The following PHAX variants were observed in gnomAD, a reference collection of about 807,000 sequenced individuals.
The protein encoded by PHAX is phosphorylated adaptor for RNA export, also known as phosphorylated adapter RNA export protein.
Under a neutral mutation model 41.6 loss-of-function variants are expected in PHAX, and 31 were observed. That is an observed-to-expected ratio of 0.75 (90% CI 0.56 to 1.01). The LOEUF (loss-of-function observed/expected upper bound fraction) is 1.01, where lower values mean the gene tolerates loss of function less well. PHAX is among the 50% of genes least tolerant of loss of function. The pLI is 0.00. For synonymous variants in PHAX, 175 were observed against 164.9 expected (o/e 1.06, Z -0.47); for missense variants, 453 against 472.9 (o/e 0.96, Z 0.39).
At chr5:126,609,778 C>A (rs977142710) in intron 3 of PHAX, among the ~76,000 whole-genome samples, 1 of 151,626 alleles carries the variant, frequency 6.6e-6, no homozygotes, top group Non-Finnish European at 1.5e-5. Flanking sequence ...CTCACTCTGT[C>A]GCCCAGGCTG....
intron 4 of PHAX, among the ~76,000 whole-genome samples, chr5:126,619,491 G>A (rs1203693501): frequency 1.3e-5 from 2 of 151,386 alleles, no homozygotes; most frequent in Admixed American, 6.6e-5. Flanking sequence ...TAGGAGAATC[G>A]CTTGAACCTG....
chr5:126,609,130 T>TC (rs1197721313), intron 3 of PHAX, among the ~76,000 whole-genome samples: 43 of 126,320 alleles, frequency 3.4e-4, no homozygotes, highest in African/African-American at 1.3e-3. Context: ...AGAAGGAGTC[T>TC]CGCTCTGTCG....
chr5:126,601,033 C>T lies in PHAX; in HGVS notation c.71C>T (p.Pro24Leu). 1.2e-6 allele frequency: 2 copies of T among 1,606,374 alleles called. No individual in the cohort carries two copies. The highest frequency in any genetic ancestry group is 2.3e-5 in the East Asian group (1 of 43,864). ...TCGGATTCCGACATGACGGTCGCACCCAGCGACAGGCCGCTGCAATTGCCA... is the reference window on the plus strand; with the variant it reads ...TCGGATTCCGACATGACGGTCGCACTCAGCGACAGGCCGCTGCAATTGCCA... ...SDSDSDMTVA[P>L]SDRPLQLPKV... Residue 24 changes from proline to leucine, a missense_variant, in exon 1 of 5, where the codon CCC (proline) becomes CTC (leucine). Physicochemically the swap from Pro to Leu is moderately conservative, Grantham distance 98 (BLOSUM62 -3). Coordinates refer to ENST00000297540, the MANE Select transcript of PHAX (RefSeq NM_032177.4).
At chr5:126,613,567 A>G (rs1752138407) in intron 3 of PHAX, among the ~76,000 whole-genome samples, 1 of 152,064 alleles carries the variant, frequency 6.6e-6, no homozygotes, top group Non-Finnish European at 1.5e-5. Flanking sequence ...AGTCCCAGCT[A>G]CTTGGGAGGC....
intron 3 of PHAX, among the ~76,000 whole-genome samples, chr5:126,610,068 C>G (rs1752056760): frequency 6.6e-6 from 1 of 152,134 alleles, no homozygotes; most frequent in African/African-American, 2.4e-5. Flanking sequence ...CAGATAGATA[C>G]ACAATAAAGT....
intron 3 of PHAX, 49 bp downstream of exon 3, chr5:126,608,533 T>TTGTTTG (rs72010140): frequency 6.9e-7 from 1 of 1,443,928 alleles, no homozygotes; most frequent in Non-Finnish European, 9.7e-7. Flanking sequence ...TCCTGTGTTT[T>TTGTTTG]TGTTTTTGAT....
rs147628815 is a variant in PHAX at position 126,603,613 on chromosome 5, C to T, written c.140C>T (p.Thr47Met). The change falls in exon 2 of 5, where the codon ACG (threonine) becomes ATG (methionine). Residue 47 changes from threonine to methionine, a missense_variant. Transcript: ENST00000297540. ...GDSAMRAFQNTATACAPVSHY... is the reference protein window; with the variant it reads ...GDSAMRAFQNMATACAPVSHY... ...AGTGCTATGAGGGCCTTCCAGAACA[C>T]GGCAACTGCATGTGCACCAGTATCA... 6.1e-5 allele frequency: 99 copies of T among 1,613,952 alleles called. No individual in the cohort carries two copies. The highest frequency in any genetic ancestry group is 8.3e-5 in the Admixed American group (5 of 59,998).
rs1207602119 is a variant in PHAX at position 126,609,119 on chromosome 5, GAGA to G, written c.831+638_831+640del. ...AATTTTTTTTTTTTTTTTTTTTTTT[GAGA>G]AGGAGTCTCGCTCTGTCGCCCAGAC... On this transcript the variant is annotated intron_variant, in intron 3 of 4. Transcript: ENST00000297540. Among the ~76,000 whole-genome samples, 7 of 20,908 alleles carry G rather than the reference GAGA, an allele frequency of 3.3e-4. No homozygotes were observed. In the East Asian group the frequency reaches 6.0e-3, roughly 18 times the overall value. The allele number at this position is 20,908 out of a possible 152,430, so 13.7% of individuals were successfully genotyped here.
At chr5:126,609,430 C>A (rs527258875) in intron 3 of PHAX, among the ~76,000 whole-genome samples, 1 of 151,974 alleles carries the variant, frequency 6.6e-6, no homozygotes, top group Non-Finnish European at 1.5e-5. Context: ...ACGACAAAGT[C>A]TAGGGGAGCC....
intron 2 of PHAX, among the ~76,000 whole-genome samples, chr5:126,605,428 T>G (rs553673598): frequency 1.7e-4 from 26 of 152,352 alleles, no homozygotes; most frequent in Middle Eastern, 3.4e-3. Context: ...AGTCTTGCTC[T>G]GTCACCCAGG....
chr5:126,611,791 GA>G (rs953528015), intron 3 of PHAX, among the ~76,000 whole-genome samples: 281 of 134,732 alleles, frequency 2.1e-3, no homozygotes, highest in Middle Eastern at 7.5e-3. Flanking sequence ...ACCCTGTCTC[GA>G]AAAAAAAAAA....
chr5:126,622,989 G>T (rs1752294820), intron 4 of PHAX, among the ~76,000 whole-genome samples: 1 of 151,920 alleles, frequency 6.6e-6, no homozygotes, highest in South Asian at 2.1e-4. Context: ...AGTTAGGTGT[G>T]GTAGCTCACG....
chr5:126,610,812 T>C (rs953844701), intron 3 of PHAX, among the ~76,000 whole-genome samples: 1 of 152,022 alleles, frequency 6.6e-6, no homozygotes, highest in Middle Eastern at 3.2e-3. Context: ...GCTCAAGCCA[T>C]CCCCCACCTC....
intron 4 of PHAX, among the ~76,000 whole-genome samples, chr5:126,618,742 TCTGCCTCCCGGGTTCAAGCAAGTCCC>T (rs1240449679): frequency 3.6e-4 from 54 of 151,200 alleles, no homozygotes; most frequent in African/African-American, 1.3e-3. Flanking sequence ...CTCGGCAACC[TCTGCCTCCCGGGTTCAAGCAAGTCCC>T]CTGCCTCAGC....
chr5:126,601,008 T>C lies in PHAX; in HGVS notation c.46T>C (p.Ser16Pro). The C allele has an allele frequency of 6.2e-7, 1 of 1,606,196 alleles. No individual in the cohort carries two copies. Among genetic ancestry groups the C allele is most frequent in the Non-Finnish European group, 8.5e-7 (1 of 1,176,478 alleles). The change falls in exon 1 of 5, where the codon TCG (serine) becomes CCG (proline). Residue 16 changes from serine (S) to proline (P), a missense_variant. Physicochemically the swap from Ser to Pro is moderately conservative, Grantham distance 74. Transcript: ENST00000297540. ...GDMEDGQLSDSDSDMTVAPSD... is the reference protein window; with the variant it reads ...GDMEDGQLSDPDSDMTVAPSD... Reference sequence around the variant, plus strand: ...TATGGAAGATGGGCAGCTTTCCGACTCGGATTCCGACATGACGGTCGCACC... The same window carrying C: ...TATGGAAGATGGGCAGCTTTCCGACCCGGATTCCGACATGACGGTCGCACC...
chr5:126,611,041 T>TC (rs200899393), intron 3 of PHAX, among the ~76,000 whole-genome samples: 6 of 139,010 alleles, frequency 4.3e-5, no homozygotes, highest in African/African-American at 1.8e-4. Context: ...TTGTTTTTTT[T>TC]CTTTTCGTTT....
intron 3 of PHAX, among the ~76,000 whole-genome samples, chr5:126,615,757 T>A (rs1752175298): frequency 6.6e-6 from 1 of 152,174 alleles, no homozygotes; most frequent in Admixed American, 6.6e-5. Context: ...TACAAGGTTA[T>A]ATACTGATCT....
At position 126,613,541 on chromosome 5, in the gene PHAX, T is replaced by C. The variant is rs571152735; in HGVS notation, c.832-3709T>C. Among the ~76,000 whole-genome samples the C allele has an allele frequency of 2.0e-5, 3 of 152,140 alleles. No individual in the cohort carries two copies. The South Asian group carries it at 6.2e-4, about 32-fold the overall frequency. Reference sequence around the variant, plus strand: ...AAAAATACAAAAATTAGCTGTATGTTGTGGCACATGCTTGTAGTCCCAGCT... The same window carrying C: ...AAAAATACAAAAATTAGCTGTATGTCGTGGCACATGCTTGTAGTCCCAGCT... On this transcript the variant is annotated intron_variant, in intron 3 of 4. Coordinates refer to ENST00000297540, the MANE Select transcript of PHAX (RefSeq NM_032177.4).
At chr5:126,616,518 C>A (rs1279128632) in intron 3 of PHAX, among the ~76,000 whole-genome samples, 1 of 152,046 alleles carries the variant, frequency 6.6e-6, no homozygotes, top group Non-Finnish European at 1.5e-5. Context: ...CTTCACTGAT[C>A]ATTCTAGTTT....
Sources: gnomAD v4.1 joint callset for allele counts (sites outside exome capture counted in the v4.1 genomes callset) on GRCh38, gnomAD v4.1.1 for gene constraint, MANE v1.5 for transcripts, NCBI Gene and HGNC (gene_info 2026-07-23, HGNC 2026-07-21) for gene names.